The following PRKD1 variants were observed in gnomAD, a reference collection of about 807,000 sequenced individuals.
The protein encoded by PRKD1 is serine/threonine-protein kinase D1.
In PRKD1, 63 loss-of-function variants were observed where a neutral mutation model predicts 95.9. The ratio of observed to expected loss-of-function variants is 0.66; its 90% CI spans 0.54 to 0.81. The LOEUF (loss-of-function observed/expected upper bound fraction) is 0.81. Among genes scored for constraint, PRKD1 ranks in the 30% least tolerant of loss-of-function variants. PRKD1 has a pLI of 0.00. For missense variants in PRKD1, 1,048 were observed against 1,165.3 expected (o/e 0.90, Z 1.47); for synonymous variants, 425 against 423.1 (o/e 1.00, Z -0.05).
At chr14:29,744,234 A>G (rs1331271807) in intron 1 of PRKD1, among the ~76,000 whole-genome samples, 1 of 152,224 alleles carries the variant, frequency 6.6e-6, no homozygotes, top group Non-Finnish European at 1.5e-5. Flanking sequence ...CTTAATTATC[A>G]GCCCCCACTG....
chr14:29,891,271 T>C (rs2139413182), intron 1 of PRKD1, among the ~76,000 whole-genome samples: 1 of 152,328 alleles, frequency 6.6e-6, no homozygotes, highest in Non-Finnish European at 1.5e-5. Flanking sequence ...AACAGTCTAG[T>C]TAGAGTAATA....
intron 4 of PRKD1, chr14:29,652,679 A>G (rs1474410781): frequency 6.6e-5 from 10 of 152,218 alleles, no homozygotes; most frequent in Admixed American, 5.9e-4. Flanking sequence ...AAAACCTGCA[A>G]TTTCTGGCAA....
intron 1 of PRKD1, among the ~76,000 whole-genome samples, chr14:29,811,648 G>A (rs991011181): frequency 2.6e-5 from 4 of 152,190 alleles, no homozygotes; most frequent in East Asian, 1.9e-4. Flanking sequence ...CAGTTGTTGC[G>A]CAGGAGCAGG....
At position 29,725,653 on chromosome 14, in the gene PRKD1, C is replaced by T. The variant is rs1186546402; in HGVS notation, c.286G>A (p.Gly96Arg). The part of the protein sequence containing the change: ...DQKFPECGFY[G>R]MYDKILLFRH... ...AAAAGCAGGATCTTATCATACATTC[C>T]GTAGAAACCACATTCAGGGAACTGC... The change falls in exon 2 of 18, where the codon GGA (glycine) becomes AGA (arginine). Residue 96 changes from glycine to arginine, a missense_variant. This residue lies in a region of PRKD1 where 275 missense variants were observed against 248.6 expected (regional missense o/e 1.11). Coordinates refer to ENST00000331968, the MANE Select transcript of PRKD1 (RefSeq NM_002742.3). 13 of 1,613,274 alleles carry T rather than the reference C, an allele frequency of 8.1e-6. No homozygotes were observed. Among genetic ancestry groups the T allele is most frequent in the Middle Eastern group, 1.6e-4 (1 of 6,082 alleles).
At chr14:29,872,426 G>T (rs1893140617) in intron 1 of PRKD1, among the ~76,000 whole-genome samples, 2 of 151,956 alleles carry the variant, frequency 1.3e-5, no homozygotes, top group Admixed American at 6.6e-5. Context: ...ACTTTGAGAG[G>T]CCAAGGTGGG....
intron 1 of PRKD1, among the ~76,000 whole-genome samples, chr14:29,786,702 A>G (rs1017959523): frequency 6.6e-6 from 1 of 151,520 alleles, no homozygotes; most frequent in Non-Finnish European, 1.5e-5. Flanking sequence ...TTTTGTTTCT[A>G]ATTTTATTTA....
chr14:29,616,384 G>C (rs1878862780), intron 13 of PRKD1, among the ~76,000 whole-genome samples: 1 of 151,342 alleles, frequency 6.6e-6, no homozygotes, highest in Non-Finnish European at 1.5e-5. Context: ...GGAGAGATTT[G>C]ACTATAGCTA....
chr14:29,717,576 T>C (rs981437885), intron 2 of PRKD1, among the ~76,000 whole-genome samples: 3 of 152,148 alleles, frequency 2.0e-5, no homozygotes, highest in Non-Finnish European at 4.4e-5. Context: ...AGTTAATATA[T>C]GTGAAGCACT....
intron 1 of PRKD1, among the ~76,000 whole-genome samples, chr14:29,758,414 C>A (rs1442127921): frequency 6.6e-6 from 1 of 152,122 alleles, no homozygotes; most frequent in Non-Finnish European, 1.5e-5. Context: ...CCTGGCAGTT[C>A]AGCAGGAGGT....
chr14:29,865,213 T>C (rs950718612), intron 1 of PRKD1, among the ~76,000 whole-genome samples: 12 of 152,018 alleles, frequency 7.9e-5, no homozygotes, highest in Non-Finnish European at 1.6e-4. Flanking sequence ...ATCACCAGAG[T>C]GGGTGACTGT....
intron 2 of PRKD1, among the ~76,000 whole-genome samples, chr14:29,711,409 C>T (rs1350232917): frequency 6.6e-6 from 1 of 151,924 alleles, no homozygotes; most frequent in Non-Finnish European, 1.5e-5. Context: ...AAACTAGATC[C>T]AACACAATAT....
chr14:29,591,272 T>C (rs1893117779), intron 16 of PRKD1: 1 of 152,202 alleles, frequency 6.6e-6, no homozygotes, highest in South Asian at 2.1e-4. Context: ...ACAAGTTACA[T>C]GTCCTGATAT....
intron 1 of PRKD1, among the ~76,000 whole-genome samples, chr14:29,764,838 C>T (rs929889009): frequency 5.3e-5 from 8 of 152,122 alleles, no homozygotes; most frequent in Admixed American, 1.3e-4. Flanking sequence ...AAAATTCCTG[C>T]GGATTTGAAC....
chr14:29,710,722 C>T (rs1341114860), intron 2 of PRKD1, among the ~76,000 whole-genome samples: 1 of 151,958 alleles, frequency 6.6e-6, no homozygotes, highest in East Asian at 1.9e-4. Context: ...ACAAATGTAC[C>T]ATGACAATGT....
chr14:29,893,105 G>C (rs1893995801), intron 1 of PRKD1, among the ~76,000 whole-genome samples: 1 of 152,048 alleles, frequency 6.6e-6, no homozygotes, highest in South Asian at 2.1e-4. Flanking sequence ...AAATGAATCA[G>C]TAAGACAAAA....
intron 1 of PRKD1, among the ~76,000 whole-genome samples, chr14:29,750,601 G>A (rs539139065): frequency 7.3e-6 from 1 of 137,814 alleles, no homozygotes; most frequent in Admixed American, 7.4e-5. Context: ...CCTATCCCAG[G>A]ATGCATGAAC....
At chr14:29,835,414 A>C (rs1891574007) in intron 1 of PRKD1, among the ~76,000 whole-genome samples, 2 of 152,188 alleles carry the variant, frequency 1.3e-5, no homozygotes, top group Non-Finnish European at 1.5e-5. Context: ...AATACTGTAG[A>C]TCTAGAGAAA....
intron 4 of PRKD1, among the ~76,000 whole-genome samples, chr14:29,645,613 G>C (rs1024747961): frequency 6.6e-6 from 1 of 151,912 alleles, no homozygotes; most frequent in Admixed American, 6.6e-5. Flanking sequence ...GTGTTTCCTG[G>C]GGCAAATTTT....
intron 1 of PRKD1, among the ~76,000 whole-genome samples, chr14:29,857,215 G>A (rs1379648936): frequency 6.6e-6 from 1 of 152,108 alleles, no homozygotes. Context: ...CATTGTTATT[G>A]TCATTGTTTT....
Sources: gnomAD v4.1 joint callset for allele counts (sites outside exome capture counted in the v4.1 genomes callset) on GRCh38, gnomAD v4.1.1 for gene constraint, gnomAD v4.1.1 regional missense constraint, MANE v1.5 for transcripts, NCBI Gene and HGNC (gene_info 2026-07-23, HGNC 2026-07-21) for gene names.